The following SGCZ variants were observed in gnomAD, a reference collection of about 807,000 sequenced individuals.
SGCZ encodes sarcoglycan zeta.
Under a neutral mutation model 41.3 loss-of-function variants are expected in SGCZ, and 40 were observed. That is an observed-to-expected ratio of 0.97 (90% confidence interval 0.75 to 1.26). SGCZ has a LOEUF of 1.26. Ranked by LOEUF, SGCZ falls within the 50% of genes most tolerant of loss-of-function variation. The probability of loss-of-function intolerance (pLI) is 0.00; values close to 1 mark genes in which losing one functional copy is unlikely to be tolerated. For missense variants in SGCZ, 552 were observed against 369.8 expected, an observed-to-expected ratio of 1.49 and a Z score of -4.04; for synonymous variants, 206 against 137.5, an observed-to-expected ratio of 1.50 and a Z score of -3.49.
intron 3 of SGCZ, among the ~76,000 whole-genome samples, chr8:14,278,077 A>G (rs1800297803): frequency 6.6e-6 from 1 of 152,116 alleles, no homozygotes; most frequent in South Asian, 2.1e-4. Flanking sequence ...TCACCTTTCC[A>G]TAACTTTTCA....
At chr8:14,194,726 C>T (rs541194078) in intron 4 of SGCZ, among the ~76,000 whole-genome samples, 15 of 151,912 alleles carry the variant, frequency 9.9e-5, no homozygotes, top group Admixed American at 3.9e-4. Context: ...AAATGCAGCA[C>T]AATAATACAA....
At chr8:14,462,867 A>G (rs543982077) in intron 2 of SGCZ, among the ~76,000 whole-genome samples, 78 of 141,526 alleles carry the variant, frequency 5.5e-4, no homozygotes, top group Admixed American at 1.9e-3. Flanking sequence ...AATGTCTTTT[A>G]AGAATTTTTT....
intron 1 of SGCZ, among the ~76,000 whole-genome samples, chr8:14,875,623 A>G (rs1804328707): frequency 6.6e-6 from 1 of 152,168 alleles, no homozygotes; most frequent in African/African-American, 2.4e-5. Flanking sequence ...TGGTTTTCTC[A>G]TCTGTAAAGT....
At chr8:14,512,522 A>C (rs576775670) in intron 2 of SGCZ, among the ~76,000 whole-genome samples, 1 of 152,128 alleles carries the variant, frequency 6.6e-6, no homozygotes, top group South Asian at 2.1e-4. Flanking sequence ...GTGCAGTGGC[A>C]GGACGATAGC....
rs574426601 is a variant in SGCZ at position 14,171,904 on chromosome 8, C to G, written c.425-7202G>C. 5.9e-5 allele frequency among the ~76,000 whole-genome samples: 9 copies of G among 152,080 alleles called. No individual in the cohort carries two copies. The South Asian group carries it at 6.2e-4, about 11-fold the overall frequency. On this transcript the variant is annotated intron_variant, in intron 4 of 7. Transcript: ENST00000382080. ...ATAAATCAGTGAATTAAATGCTGAA[C>G]AAGAATAAATGTCAAAATTAACAAT...
chr8:14,581,262 A>C (rs4240169), intron 1 of SGCZ, among the ~76,000 whole-genome samples: 141,733 of 151,694 alleles, frequency 0.93, 66,312 homozygotes, highest in Non-Finnish European at 0.96. Flanking sequence ...GCACCACCAC[A>C]ACACCTGCCT....
chr8:15,234,765 TAAA>T (rs1185341813), intron 1 of SGCZ, among the ~76,000 whole-genome samples: 2 of 151,978 alleles, frequency 1.3e-5, no homozygotes, highest in Non-Finnish European at 2.9e-5. Context: ...CAGCAAAAAA[TAAA>T]AAAATTGTTG....
intron 2 of SGCZ, among the ~76,000 whole-genome samples, chr8:14,534,620 C>A (rs1296548001): frequency 6.6e-6 from 1 of 151,870 alleles, no homozygotes; most frequent in Non-Finnish European, 1.5e-5. Flanking sequence ...TAGCTAATTA[C>A]CGCACAGGAG....
At chr8:14,708,511 G>T (rs1809403274) in intron 1 of SGCZ, among the ~76,000 whole-genome samples, 2 of 150,684 alleles carry the variant, frequency 1.3e-5, no homozygotes, top group African/African-American at 4.9e-5. Flanking sequence ...ACAGACATTT[G>T]CCATTTATTG....
rs558589800 is a variant in SGCZ, at chr8:14,683,945, C to A, written c.40-129019G>T. On this transcript the variant is annotated intron_variant, in intron 1 of 7. Coordinates refer to ENST00000382080, the MANE Select transcript of SGCZ (RefSeq NM_139167.4). ...CATGATTTTTCACATTTTAAAATATCTAAAATCTGAATGTGTTTCATCTCA... is the reference window on the plus strand; with the variant it reads ...CATGATTTTTCACATTTTAAAATATATAAAATCTGAATGTGTTTCATCTCA... Among the ~76,000 whole-genome samples the A allele has an allele frequency of 3.3e-5, 5 of 152,182 alleles. No homozygotes were observed. The South Asian group carries it at 1.0e-3, about 32-fold the overall frequency.
At chr8:14,411,405 C>T (rs1373212064) in intron 2 of SGCZ, among the ~76,000 whole-genome samples, 1 of 152,096 alleles carries the variant, frequency 6.6e-6, no homozygotes, top group Non-Finnish European at 1.5e-5. Flanking sequence ...GTCATGCCTA[C>T]TTCAATTTAG....
At chr8:14,295,318 T>C (rs1425447476) in intron 3 of SGCZ, among the ~76,000 whole-genome samples, 1 of 152,170 alleles carries the variant, frequency 6.6e-6, no homozygotes, top group Non-Finnish European at 1.5e-5. Flanking sequence ...CTGTAGTAGC[T>C]GAATGTAGCC....
At chr8:14,745,529 C>T (rs1427843327) in intron 1 of SGCZ, among the ~76,000 whole-genome samples, 1 of 151,990 alleles carries the variant, frequency 6.6e-6, no homozygotes, top group East Asian at 1.9e-4. Flanking sequence ...CTGCAGTGAT[C>T]TATGATCGTG....
intron 1 of SGCZ, among the ~76,000 whole-genome samples, chr8:14,716,964 A>G (rs369832626): frequency 2.6e-5 from 4 of 152,118 alleles, no homozygotes; most frequent in Non-Finnish European, 5.9e-5. Flanking sequence ...ACATGAGATG[A>G]TTTCATCACT....
chr8:14,690,008 A>G (rs1387424461), intron 1 of SGCZ, among the ~76,000 whole-genome samples: 2 of 152,342 alleles, frequency 1.3e-5, no homozygotes, highest in East Asian at 3.9e-4. Flanking sequence ...GAATTAAGCA[A>G]TGGTGAATTC....
At chr8:15,097,456 T>A (rs1255743510) in intron 1 of SGCZ, among the ~76,000 whole-genome samples, 1 of 151,644 alleles carries the variant, frequency 6.6e-6, no homozygotes, top group African/African-American at 2.4e-5. Flanking sequence ...GAAAAAAAAA[T>A]CCCATTGCTA....
chr8:14,306,101 T>C (rs185217316), intron 3 of SGCZ, among the ~76,000 whole-genome samples: 216 of 152,326 alleles, frequency 1.4e-3, no homozygotes, highest in Middle Eastern at 0.01. Flanking sequence ...TATTAAGTTT[T>C]GGGCAAAGGT....
At chr8:15,191,203 T>C (rs1471843890) in intron 1 of SGCZ, among the ~76,000 whole-genome samples, 1 of 152,138 alleles carries the variant, frequency 6.6e-6, no homozygotes, top group East Asian at 1.9e-4. Flanking sequence ...TTTCAACTAA[T>C]AAATCACTAG....
At chr8:14,274,785 T>TAAGAAA (rs1490041969) in intron 3 of SGCZ, among the ~76,000 whole-genome samples, 4 of 151,996 alleles carry the variant, frequency 2.6e-5, no homozygotes, top group African/African-American at 7.2e-5. Context: ...GGCATTGAAA[T>TAAGAAA]AAGAAACACT....
Sources: gnomAD v4.1 joint callset for allele counts (sites outside exome capture counted in the v4.1 genomes callset) on GRCh38, gnomAD v4.1.1 for gene constraint, MANE v1.5 for transcripts, NCBI Gene and HGNC (gene_info 2026-07-23, HGNC 2026-07-21) for gene names.